KLHDC7B: variants seen among roughly 807,000 people sequenced by gnomAD.
The protein encoded by KLHDC7B is kelch domain-containing protein 7B.
A neutral mutation model predicts 0.6 loss-of-function variants in KLHDC7B; 1 was observed. The ratio of observed to expected loss-of-function variants is 1.71; its 90% CI spans 0.61 to 8.11. The LOEUF is 8.11. Ranked by LOEUF, KLHDC7B falls within the 30% of genes most tolerant of loss-of-function variation. The pLI is 0.13. For synonymous variants in KLHDC7B, 462 were observed against 405.2 expected, an observed-to-expected ratio of 1.14 and a Z score of -1.68; for missense variants, 993 against 894.9, an observed-to-expected ratio of 1.11 and a Z score of -1.40.
chr22:50,548,872 C>A lies in KLHDC7B; in HGVS notation c.2629C>A (p.Pro877Thr), dbSNP rs1162738113. ...GGCCTTTGCCCAGCAGCACGGAGAG[C>A]CCGGCCTGGCGCAGGAGACCTACGC... ...VLAFAQQHGE[P>T]GLAQETYALM... Residue 877 changes from proline (P) to threonine (T), a missense_variant, in exon 1 of 1, where the codon CCC (proline) becomes ACC (threonine). Coordinates refer to ENST00000648057, the MANE Select transcript of KLHDC7B (RefSeq NM_138433.5). The surrounding 1 kb of genome is among the most constrained non-coding windows in gnomAD (Gnocchi z 5.3). 4 of 1,564,758 alleles carry A rather than the reference C, an allele frequency of 2.6e-6. No homozygotes were observed. In the South Asian group the frequency reaches 3.5e-5, roughly 14 times the overall value.
At position 50,549,017 on chromosome 22, in the gene KLHDC7B, G is replaced by A. The variant is rs1178765850; in HGVS notation, c.2774G>A (p.Gly925Asp). The change falls in exon 1 of 1, where the codon GGC (glycine) becomes GAC (aspartate). Residue 925 changes from glycine to aspartate, a missense_variant. Transcript: ENST00000648057. Reference sequence around the variant, plus strand: ...ACCGGCCGGGGCCGGGCGGTGCTGGGCGTCCTCGTACTGCCCAGCCTCTAC... The same window carrying A: ...ACCGGCCGGGGCCGGGCGGTGCTGGACGTCCTCGTACTGCCCAGCCTCTAC... ...LRTGRGRAVL[G>D]VLVLPSLYQG... The A allele has an allele frequency of 6.3e-7, 1 of 1,596,650 alleles. No individual in the cohort carries two copies. The highest frequency in any genetic ancestry group is 1.1e-5 in the South Asian group (1 of 90,428).
Position 50,548,948 on chromosome 22 carries a change from G to A in KLHDC7B, c.2705G>A (p.Arg902His), listed in dbSNP as rs2069768921. Residue 902 changes from arginine (R) to histidine (H), a missense_variant, in exon 1 of 1, where the codon CGC becomes CAC. Coordinates refer to ENST00000648057, the MANE Select transcript of KLHDC7B (RefSeq NM_138433.5). This position sits in a 1 kb window ranked among gnomAD's most constrained non-coding sequence, Gnocchi z 5.3. ...GTGCTGGGAGACCCGTGCCTCTACCGCCGGCTGAGCGCGGCCGACCGCGAG... is the reference window on the plus strand; with the variant it reads ...GTGCTGGGAGACCCGTGCCTCTACCACCGGCTGAGCGCGGCCGACCGCGAG... ...LRVLGDPCLY[R>H]RLSAADRERI... The A allele has an allele frequency of 2.5e-6, 4 of 1,597,174 alleles. No individual in the cohort carries two copies. The highest frequency in any genetic ancestry group is 1.1e-5 in the South Asian group (1 of 89,752).
In KLHDC7B at chr22:50,550,734, C is replaced by T. The variant is rs2069798683; in HGVS notation, c.*783C>T. 5.9e-6 allele frequency: 1 copy of T among 168,364 alleles called. No homozygotes were observed. The highest frequency in any genetic ancestry group is 6.4e-5 in the Admixed American group (1 of 15,578). The allele number at this position is 168,364 out of a possible 1,614,324, so 10.4% of individuals were successfully genotyped here. ...AGACTTGGACGAGACATTTGACTTC[C>T]CTTTCTCCTTGTCTATAAAATGTGG... On this transcript the variant is annotated 3_prime_UTR_variant, in exon 1 of 1. Transcript: ENST00000648057.
In KLHDC7B at chr22:50,546,297, C is replaced by CAGTGACAATGACTGGGAT. The variant is rs2069727795; in HGVS notation, c.59_76dup (p.Asp20_Ser25dup). ...GTCCCCTCTGGGGCTGGGACTGGGA[C>CAGTGACAATGACTGGGAT]AGTGACAATGACTGGGATAGTGCTG... is the stretch of plus-strand genomic sequence containing the variant. On this transcript the variant is annotated inframe_insertion, in exon 1 of 1. Coordinates refer to ENST00000648057, the MANE Select transcript of KLHDC7B (RefSeq NM_138433.5). 2.5e-6 allele frequency: 1 copy of CAGTGACAATGACTGGGAT among 398,516 alleles called. No homozygotes were observed. Among genetic ancestry groups the CAGTGACAATGACTGGGAT allele is most frequent in the Admixed American group, 4.4e-5 (1 of 22,706 alleles). The allele number at this position is 398,516 out of a possible 1,614,324, so 24.7% of individuals were successfully genotyped here. A position where few individuals can be genotyped will look rare whatever the true frequency, so the allele number is the denominator to read the frequency against.
At position 50,549,578 on chromosome 22, in the gene KLHDC7B, A is replaced by G; in HGVS notation, c.3335A>G (p.Asp1112Gly). 6.3e-7 allele frequency: 1 copy of G among 1,577,426 alleles called. No homozygotes were observed. The highest frequency in any genetic ancestry group is 8.6e-7 in the Non-Finnish European group (1 of 1,157,936). ...CTGCTCAGGTACAGCCCCGTGAAGG[A>G]TGCTTGGGACGAGTGCCCATACAGT... Reference protein sequence around the residue: ...YRLLRYSPVKDAWDECPYSAS... With the variant: ...YRLLRYSPVKGAWDECPYSAS... The change falls in exon 1 of 1, where the codon GAT (aspartate) becomes GGT (glycine). Residue 1112 changes from aspartate (D) to glycine (G), a missense_variant. Asp to Gly is a moderately conservative substitution (Grantham distance 94, BLOSUM62 -1). Coordinates refer to ENST00000648057, the MANE Select transcript of KLHDC7B (RefSeq NM_138433.5).
chr22:50,548,668 C>T lies in KLHDC7B; in HGVS notation c.2425C>T (p.Arg809Cys). The T allele has an allele frequency of 1.4e-5, 21 of 1,517,360 alleles. No individual in the cohort carries two copies. The highest frequency in any genetic ancestry group is 3.7e-5 in the South Asian group (3 of 80,892). 94.0% of individuals were successfully genotyped at this position (1,517,360 alleles called of 1,614,324 possible). Residue 809 changes from arginine to cysteine, a missense_variant, in exon 1 of 1, where the codon CGC becomes TGC. Coordinates refer to ENST00000648057, the MANE Select transcript of KLHDC7B (RefSeq NM_138433.5). The surrounding 1 kb of genome is among the most constrained non-coding windows in gnomAD (Gnocchi z 5.3). ...GGGGGAGGGGGGCAGCCCTGCCGGC[C>T]GCAGCGGGGCGCTCACGGAAAAGCA... is the stretch of plus-strand genomic sequence containing the variant. ...APGEGGSPAG[R>C]SGALTEKQEE...
At position 50,549,527 on chromosome 22, in the gene KLHDC7B, T is replaced by C; in HGVS notation, c.3284T>C (p.Val1095Ala). The change falls in exon 1 of 1, where the codon GTC (valine) becomes GCC (alanine). Residue 1095 changes from valine to alanine, a missense_variant. Coordinates refer to ENST00000648057, the MANE Select transcript of KLHDC7B (RefSeq NM_138433.5). Reference protein sequence around the residue: ...EAVACRGDIYVTGGHLFYRLL... With the variant: ...EAVACRGDIYATGGHLFYRLL... ...GTGGCCTGCCGTGGGGACATCTACGTCACCGGGGGTCACCTCTTCTACCGC... is the reference window on the plus strand; with the variant it reads ...GTGGCCTGCCGTGGGGACATCTACGCCACCGGGGGTCACCTCTTCTACCGC... 2 of 1,606,416 alleles carry C rather than the reference T, an allele frequency of 1.2e-6. No individual in the cohort carries two copies. Among genetic ancestry groups the C allele is most frequent in the Non-Finnish European group, 1.7e-6 (2 of 1,175,692 alleles).
Position 50,549,713 on chromosome 22 carries a change from G to T in KLHDC7B, c.3470G>T (p.Gly1157Val). 6.3e-7 allele frequency: 1 copy of T among 1,582,852 alleles called. No individual in the cohort carries two copies. ...AAVMRYNTVT[G>V]SWSRAASLPL... ...GTGATGCGCTACAACACAGTGACCG[G>T]CTCCTGGAGCAGGGCTGCCTCCCTG... The change falls in exon 1 of 1, where the codon GGC (glycine) becomes GTC (valine). Residue 1157 changes from glycine to valine, a missense_variant. Coordinates refer to ENST00000648057, the MANE Select transcript of KLHDC7B (RefSeq NM_138433.5).
Position 50,546,594 on chromosome 22 carries a change from C to A in KLHDC7B, c.351C>A (p.Ala117=), listed in dbSNP as rs117961389. Residue 117 remains alanine, a synonymous_variant, in exon 1 of 1, where the codon GCC becomes GCA. Transcript: ENST00000648057. ...VPAAAPGGGL[A]AMARLPLKTA... ...CTGCAGCGCCGGGCGGGGGCCTGGC[C>A]GCCATGGCCCGGCTTCCACTCAAGA... 49,106 of 397,612 alleles carry A rather than the reference C, an allele frequency of 0.12. 3,325 individuals are homozygous for A. The highest frequency in any genetic ancestry group is 0.15 in the Middle Eastern group (239 of 1,594). 24.6% of individuals were successfully genotyped at this position (397,612 alleles called of 1,614,324 possible).
In KLHDC7B at chr22:50,548,728, A is replaced by G; in HGVS notation, c.2485A>G (p.Arg829Gly). ...EARKLMVFLQ[R>G]PGGWGVVEGP... is the part of the protein sequence containing the mutation. ...CCGGAAGCTCATGGTGTTTCTGCAG[A>G]GGCCCGGGGGTTGGGGGGTGGTGGA... Residue 829 changes from arginine (R) to glycine (G), a missense_variant, in exon 1 of 1, where the codon AGG becomes GGG. Physicochemically the swap from Arg to Gly is moderately radical, Grantham distance 125 (BLOSUM62 -2). Coordinates refer to ENST00000648057, the MANE Select transcript of KLHDC7B (RefSeq NM_138433.5). This position sits in a 1 kb window ranked among gnomAD's most constrained non-coding sequence, Gnocchi z 5.3. The G allele has an allele frequency of 6.7e-7, 1 of 1,484,178 alleles. No homozygotes were observed. Among genetic ancestry groups the G allele is most frequent in the Non-Finnish European group, 8.9e-7 (1 of 1,119,304 alleles). The allele number at this position is 1,484,178 out of a possible 1,614,324, so 91.9% of individuals were successfully genotyped here. A position where few individuals can be genotyped will look rare whatever the true frequency, so the allele number is the denominator to read the frequency against.
Position 50,548,874 on chromosome 22 carries a change from C to T in KLHDC7B, c.2631C>T (p.Pro877=), listed in dbSNP as rs563123165. 19 of 1,566,220 alleles carry T rather than the reference C, an allele frequency of 1.2e-5. No homozygotes were observed. The highest frequency in any genetic ancestry group is 8.2e-5 in the African/African-American group (6 of 73,460). Residue 877 remains proline (P), a synonymous_variant, in exon 1 of 1, where the codon CCC becomes CCT. Transcript: ENST00000648057. This position sits in a 1 kb window ranked among gnomAD's most constrained non-coding sequence, Gnocchi z 5.3. ...VLAFAQQHGE[P]GLAQETYALM... ...CCTTTGCCCAGCAGCACGGAGAGCCCGGCCTGGCGCAGGAGACCTACGCGC... is the reference window on the plus strand; with the variant it reads ...CCTTTGCCCAGCAGCACGGAGAGCCTGGCCTGGCGCAGGAGACCTACGCGC...
Position 50,549,043 on chromosome 22 carries a change from CA to C in KLHDC7B, c.878del (p.Gln293ArgfsTer43), listed in dbSNP as rs1272495906. ...CGTCCTCGTACTGCCCAGCCTCTAC[CA>C]GGGGGGCCGCTCAGGGCTCCCCAGG... On this transcript the variant is annotated frameshift_variant, in exon 1 of 1. Transcript: ENST00000395676. LOFTEE classifies it low-confidence loss of function (END_TRUNC). 6 of 1,596,710 alleles carry C rather than the reference CA, an allele frequency of 3.8e-6. No individual in the cohort carries two copies. Among genetic ancestry groups the C allele is most frequent in the Admixed American group, 1.7e-5 (1 of 59,342 alleles).
chr22:50,548,679 G>T lies in KLHDC7B; in HGVS notation c.2436G>T (p.Ala812=). Residue 812 remains alanine (A), a synonymous_variant, in exon 1 of 1, where the codon GCG becomes GCT. Coordinates refer to ENST00000648057, the MANE Select transcript of KLHDC7B (RefSeq NM_138433.5). This position sits in a 1 kb window ranked among gnomAD's most constrained non-coding sequence, Gnocchi z 5.3. The part of the protein sequence containing the change: ...EGGSPAGRSG[A]LTEKQEEARK... ...GCAGCCCTGCCGGCCGCAGCGGGGC[G>T]CTCACGGAAAAGCAGGAGGAGGCCC... 6.6e-7 allele frequency: 1 copy of T among 1,520,612 alleles called. No individual in the cohort carries two copies. Among genetic ancestry groups the T allele is most frequent in the Non-Finnish European group, 8.8e-7 (1 of 1,134,468 alleles). 94.2% of individuals were successfully genotyped at this position (1,520,612 alleles called of 1,614,324 possible).
rs758075611 is a variant in KLHDC7B, at chr22:50,549,670, C to T, written c.3427C>T (p.Arg1143Trp). ...GGFLYRFDLL[R>W]GVGAAVMRYN... ...CTTCCTGTACCGCTTCGACCTGCTG[C>T]GGGGCGTGGGCGCCGCCGTGATGCG... Residue 1143 changes from arginine (R) to tryptophan (W), a missense_variant, in exon 1 of 1, where the codon CGG becomes TGG. Coordinates refer to ENST00000648057, the MANE Select transcript of KLHDC7B (RefSeq NM_138433.5). 6.4e-6 allele frequency: 10 copies of T among 1,554,850 alleles called. No homozygotes were observed. Among genetic ancestry groups the T allele is most frequent in the Admixed American group, 1.8e-5 (1 of 55,252 alleles).
rs2069741220 is a variant in KLHDC7B at position 50,547,310 on chromosome 22, G to T, written c.1067G>T (p.Gly356Val). Among the ~76,000 whole-genome samples the T allele has an allele frequency of 6.6e-6, 1 of 151,694 alleles. No individual in the cohort carries two copies. The highest frequency in any genetic ancestry group is 2.4e-5 in the African/African-American group (1 of 41,324). Reference sequence around the variant, plus strand: ...CCCTGGCTAGAGAGTCCGCCTCAAGGTCGCCCACTCTCGTCCCAAGGGCCG... The same window carrying T: ...CCCTGGCTAGAGAGTCCGCCTCAAGTTCGCCCACTCTCGTCCCAAGGGCCG... ...TRPWLESPPQ[G>V]RPLSSQGPGA... The change falls in exon 1 of 1, where the codon GGT becomes GTT. Residue 356 changes from glycine to valine, a missense_variant. Coordinates refer to ENST00000648057, the MANE Select transcript of KLHDC7B (RefSeq NM_138433.5).
At position 50,548,443 on chromosome 22, in the gene KLHDC7B, G is replaced by A. The variant is rs1001723562; in HGVS notation, c.2200G>A (p.Asp734Asn). 1 of 1,579,420 alleles carries A rather than the reference G, an allele frequency of 6.3e-7. No individual in the cohort carries two copies. The highest frequency in any genetic ancestry group is 1.9e-5 in the Admixed American group (1 of 54,018). Residue 734 changes from aspartate (D) to asparagine (N), a missense_variant, in exon 1 of 1, where the codon GAC (aspartate) becomes AAC (asparagine). Asp to Asn is a conservative substitution (Grantham distance 23). Transcript: ENST00000648057. The surrounding 1 kb of genome is among the most constrained non-coding windows in gnomAD (Gnocchi z 5.3). ...RGEGTREKSLDPLPQAAMPRG... is the reference protein window; with the variant it reads ...RGEGTREKSLNPLPQAAMPRG... ...AGAGGGAACCAGGGAGAAAAGTCTA[G>A]ACCCGCTGCCCCAAGCCGCGATGCC... is the stretch of plus-strand genomic sequence containing the variant.
rs2069756239 is a variant in KLHDC7B, at chr22:50,548,262, C to T, written c.2019C>T (p.Ser673=). Reference sequence around the variant, plus strand: ...GGAGCCCCGTGGGTCCCAGCACTTCCACACACTCTGAGGACAGACACGGCC... The same window carrying T: ...GGAGCCCCGTGGGTCCCAGCACTTCTACACACTCTGAGGACAGACACGGCC... The part of the protein sequence containing the change: ...VPGSPVGPST[S]THSEDRHGPS... The change falls in exon 1 of 1, where the codon TCC becomes TCT. Residue 673 remains serine, a synonymous_variant. Transcript: ENST00000648057. This position sits in a 1 kb window ranked among gnomAD's most constrained non-coding sequence, Gnocchi z 5.3. The T allele has an allele frequency of 6.4e-7, 1 of 1,550,986 alleles. No homozygotes were observed. The highest frequency in any genetic ancestry group is 1.4e-5 in the African/African-American group (1 of 73,012).
In KLHDC7B at chr22:50,546,873, C is replaced by A. The variant is rs1270455225; in HGVS notation, c.630C>A (p.Asp210Glu). 6.6e-6 allele frequency among the ~76,000 whole-genome samples: 1 copy of A among 152,086 alleles called. No individual in the cohort carries two copies. Among genetic ancestry groups the A allele is most frequent in the Non-Finnish European group, 1.5e-5 (1 of 67,974 alleles). The change falls in exon 1 of 1, where the codon GAC becomes GAA. Residue 210 changes from aspartate (D) to glutamate (E), a missense_variant. By Grantham distance (45) the Asp-to-Glu change is conservative (BLOSUM62 2). Transcript: ENST00000648057. ...RQAAGPAGQQ[D>E]TGPWQAGAGP... ...CCGCAGGCCCCGCGGGGCAACAGGA[C>A]ACTGGCCCCTGGCAGGCGGGCGCGG...
Position 50,550,849 on chromosome 22 carries a change from C to G in KLHDC7B, c.*898C>G, listed in dbSNP as rs1371939724. The G allele has an allele frequency of 9.8e-6, 2 of 204,258 alleles. No homozygotes were observed. Among genetic ancestry groups the G allele is most frequent in the African/African-American group, 4.6e-5 (2 of 43,376 alleles). The allele number at this position is 204,258 out of a possible 1,614,324, so 12.7% of individuals were successfully genotyped here. On this transcript the variant is annotated 3_prime_UTR_variant, in exon 1 of 1. Coordinates refer to ENST00000648057, the MANE Select transcript of KLHDC7B (RefSeq NM_138433.5). ...CGGTGTCCAGGATGCACAGCACAAT[C>G]CATGATGCGTTTTCTCCCCTTACGC...
Sources: allele counts gnomAD v4.1 joint callset (sites outside exome capture counted in the v4.1 genomes callset), GRCh38; gene constraint gnomAD v4.1.1; non-coding constraint Gnocchi (gnomAD v3.1); transcripts MANE v1.5; gene names NCBI Gene and HGNC (gene_info 2026-07-23, HGNC 2026-07-21).